Variants in TRIO observed in about 807,000 individuals in gnomAD.
TRIO encodes triple functional domain protein.
TRIO carries 58 observed loss-of-function variants against 351.9 expected under a neutral mutation model. That is an observed-to-expected ratio of 0.16 (90% confidence interval 0.13 to 0.21). The LOEUF (loss-of-function observed/expected upper bound fraction) is 0.21, where lower values mean the gene tolerates loss of function less well. Ranked by LOEUF, TRIO falls within the 10% of genes least tolerant of loss-of-function variation. TRIO has a pLI of 1.00. For synonymous variants in TRIO, 1,758 were observed against 1,595.7 expected, an observed-to-expected ratio of 1.10 and a Z score of -2.42; for missense variants, 3,201 against 4,027.8, an observed-to-expected ratio of 0.79 and a Z score of 5.56.
intron 19 of TRIO, among the ~76,000 whole-genome samples, chr5:14,375,784 G>A (rs1745506274): frequency 6.6e-6 from 1 of 152,168 alleles, no homozygotes; most frequent in Admixed American, 6.5e-5. Context: ...GTGGAAATAG[G>A]AGACTAGAAA....
At position 14,502,429 on chromosome 5, in the gene TRIO, T is replaced by G. The variant is rs1261437051; in HGVS notation, c.8333-150T>G. 4 of 644,782 alleles carry G rather than the reference T, an allele frequency of 6.2e-6. No homozygotes were observed. In the African/African-American group the frequency reaches 7.2e-5, roughly 12 times the overall value. 39.9% of individuals were successfully genotyped at this position (644,782 alleles called of 1,614,324 possible). A position where few individuals can be genotyped will look rare whatever the true frequency, so the allele number is the denominator to read the frequency against. On this transcript the variant is annotated intron_variant, in intron 53 of 56. Transcript: ENST00000344204. Reference sequence around the variant, plus strand: ...AGCCCCAGTGTCTGTGTGTCCTTTATGCAGCCACCACATCTCCACTCGCAT... The same window carrying G: ...AGCCCCAGTGTCTGTGTGTCCTTTAGGCAGCCACCACATCTCCACTCGCAT...
chr5:14,472,508 G>A, intron 38 of TRIO, 84 bp from the exon 39 acceptor site: 3 of 1,397,878 alleles, frequency 2.1e-6, no homozygotes, highest in Non-Finnish European at 3.0e-6. Flanking sequence ...GTCCTGGAAG[G>A]AGTCCATCTT....
intron 1 of TRIO, among the ~76,000 whole-genome samples, chr5:14,194,219 A>G (rs1460901687): frequency 6.6e-6 from 1 of 152,198 alleles, no homozygotes; most frequent in Middle Eastern, 3.2e-3. Flanking sequence ...AGTTTTATAC[A>G]TTGATCGGAT....
At chr5:14,308,873 C>T (rs951856751) in intron 8 of TRIO, among the ~76,000 whole-genome samples, 2 of 151,962 alleles carry the variant, frequency 1.3e-5, no homozygotes, top group Non-Finnish European at 2.9e-5. Flanking sequence ...CTAAATTGCC[C>T]ATCCATTGAC....
At chr5:14,413,518 G>A (rs1749372732) in intron 33 of TRIO, among the ~76,000 whole-genome samples, 1 of 152,322 alleles carries the variant, frequency 6.6e-6, no homozygotes, top group South Asian at 2.1e-4. Context: ...TGAGTGATGG[G>A]TTCCGTGTGA....
At chr5:14,198,394 AGTAT>A (rs1242273925) in intron 1 of TRIO, among the ~76,000 whole-genome samples, 1 of 152,182 alleles carries the variant, frequency 6.6e-6, no homozygotes, top group Non-Finnish European at 1.5e-5. Context: ...AATTGTACTA[AGTAT>A]ACAATCAGAG....
chr5:14,161,483 C>T (rs528124296), intron 1 of TRIO, among the ~76,000 whole-genome samples: 69 of 152,218 alleles, frequency 4.5e-4, no homozygotes, highest in Non-Finnish European at 7.6e-4. Flanking sequence ...GGACTGGTTC[C>T]TTTGGGTTAT....
intron 49 of TRIO, among the ~76,000 whole-genome samples, chr5:14,494,387 C>T (rs562150590): frequency 2.0e-5 from 3 of 152,282 alleles, no homozygotes; most frequent in South Asian, 2.1e-4. Flanking sequence ...ATTTACAACA[C>T]GGTTTACTGA....
chr5:14,431,268 A>C (rs971662949), intron 34 of TRIO, among the ~76,000 whole-genome samples: 3 of 152,128 alleles, frequency 2.0e-5, no homozygotes, highest in Non-Finnish European at 4.4e-5. Flanking sequence ...TCGTGGTCTG[A>C]CCAGCAGTGG....
At chr5:14,166,141 C>T (rs941957943) in intron 1 of TRIO, among the ~76,000 whole-genome samples, 1 of 152,226 alleles carries the variant, frequency 6.6e-6, no homozygotes, top group African/African-American at 2.4e-5. Context: ...GGGGGATGCT[C>T]CCGGTGGAGA....
intron 31 of TRIO, among the ~76,000 whole-genome samples, chr5:14,402,839 C>T (rs1022540895): frequency 8.0e-5 from 12 of 149,368 alleles, no homozygotes; most frequent in South Asian, 2.2e-4. Context: ...GTAGTACAGG[C>T]GGTGGTAGTG....
chr5:14,418,530 A>G (rs143305038), intron 33 of TRIO, among the ~76,000 whole-genome samples: 12 of 152,226 alleles, frequency 7.9e-5, no homozygotes, highest in African/African-American at 2.4e-4. Context: ...TGATGGTGAT[A>G]CTGTTACCCA....
At chr5:14,390,695 C>T (rs1243560425) in intron 26 of TRIO, among the ~76,000 whole-genome samples, 10 of 152,092 alleles carry the variant, frequency 6.6e-5, no homozygotes, top group Non-Finnish European at 1.5e-4. Context: ...GTGCTCAGCC[C>T]GACGTGTCGG....
chr5:14,237,078 G>T (rs938296971), intron 1 of TRIO, among the ~76,000 whole-genome samples: 1 of 152,184 alleles, frequency 6.6e-6, no homozygotes, highest in South Asian at 2.1e-4. Context: ...AAGGAAGCAG[G>T]AGTTATTTTG....
Position 14,405,984 on chromosome 5 carries a change from G to C in TRIO, c.4853G>C (p.Gly1618Ala). Residue 1618 changes from glycine (G) to alanine (A), a missense_variant, in exon 32 of 57, where the codon GGA becomes GCA. Around this residue, in one of 19 missense-constraint regions of TRIO, gnomAD observed 136 missense variants for 229.5 expected, o/e 0.59. Transcript: ENST00000344204. Reference protein sequence around the residue: ...PKTAPATRQKGRRDGEDLDSQ... With the variant: ...PKTAPATRQKARRDGEDLDSQ... ...ACCGCTCCCGCCACAAGACAGAAGG[G>C]AAGGAGGTGCGTGTCTGGGCGCCAC... 6.2e-7 allele frequency: 1 copy of C among 1,613,394 alleles called. No individual in the cohort carries two copies. Among genetic ancestry groups the C allele is most frequent in the Non-Finnish European group, 8.5e-7 (1 of 1,179,796 alleles).
At chr5:14,477,583 T>C (rs1297996270) in intron 41 of TRIO, among the ~76,000 whole-genome samples, 1 of 152,248 alleles carries the variant, frequency 6.6e-6, no homozygotes, top group Non-Finnish European at 1.5e-5. Flanking sequence ...GATAATTACA[T>C]AGTTTTCTTA....
At chr5:14,359,261 C>T (rs1743909203) in intron 12 of TRIO, 96 bp from the exon 13 acceptor site, 1 of 1,466,082 alleles carries the variant, frequency 6.8e-7, no homozygotes, top group Non-Finnish European at 9.3e-7. Context: ...AGCTTCCTGC[C>T]AGCTTTCTTC....
At chr5:14,488,997 T>C in intron 48 of TRIO, 1 of 765,168 alleles carries the variant, frequency 1.3e-6, no homozygotes, top group Non-Finnish European at 2.4e-6. Context: ...TGTTTCCTGC[T>C]TCCTCACTGT....
At chr5:14,412,390 C>T (rs531686170) in intron 33 of TRIO, among the ~76,000 whole-genome samples, 4 of 152,330 alleles carry the variant, frequency 2.6e-5, no homozygotes, top group East Asian at 1.9e-4. Context: ...ATTGCAGCGT[C>T]GAGGTAGTAT....
Sources: allele counts gnomAD v4.1 joint callset (sites outside exome capture counted in the v4.1 genomes callset), GRCh38; gene constraint gnomAD v4.1.1; regional missense constraint gnomAD v4.1.1; transcripts MANE v1.5; gene names NCBI Gene and HGNC (gene_info 2026-07-23, HGNC 2026-07-21).